Variants in TBKBP1 observed in about 807,000 individuals in gnomAD.
TBKBP1 encodes the protein TANK-binding kinase 1-binding protein 1.
A neutral mutation model predicts 69.9 loss-of-function variants in TBKBP1; 47 were observed. The ratio of observed to expected loss-of-function variants is 0.67; its 90% CI spans 0.53 to 0.86. The LOEUF (loss-of-function observed/expected upper bound fraction) is 0.86. TBKBP1 is among the 40% of genes least tolerant of loss of function. TBKBP1 has a pLI of 0.00. For missense variants in TBKBP1, 831 were observed against 858.6 expected, an observed-to-expected ratio of 0.97 and a Z score of 0.40; for synonymous variants, 418 against 390.3, an observed-to-expected ratio of 1.07 and a Z score of -0.84.
At chr17:47,697,513 C>T (rs982358808) in intron 4 of TBKBP1, among the ~76,000 whole-genome samples, 3 of 152,198 alleles carry the variant, frequency 2.0e-5, no homozygotes, top group East Asian at 3.9e-4. Context: ...TGAGCACTGC[C>T]CTGGCTCTCA....
chr17:47,695,410 G>A (rs998592288), intron 1 of TBKBP1: 1 of 152,376 alleles, frequency 6.6e-6, no homozygotes, highest in Admixed American at 6.5e-5. Flanking sequence ...CTTCCACCTG[G>A]GTCCCCTTCC....
chr17:47,696,092 G>C lies in TBKBP1; in HGVS notation c.-21G>C, dbSNP rs372802274. The C allele has an allele frequency of 1.9e-3, 2,957 of 1,589,800 alleles. 11 individuals carry two copies. Among genetic ancestry groups the C allele is most frequent in the Middle Eastern group, 6.5e-3 (38 of 5,820 alleles). ...CTGCTCTCCTAGGAGGCCCCGTGTG[G>C]GCCGCGGCCCGGCCCTCACCATGGA... On this transcript the variant is annotated 5_prime_UTR_variant, in exon 2 of 10. Coordinates refer to ENST00000578982, the MANE Select transcript of TBKBP1 (RefSeq NM_001394755.1).
At position 47,708,973 on chromosome 17, in the gene TBKBP1, CGTTCCCCGGTGCCCCCCA is replaced by C. The variant is rs2031806720; in HGVS notation, c.1242_1259del (p.Ser415_Ser420del). ...GTGCCAGTCCCCCAGCCCGCAGCGC[CGTTCCCCGGTGCCCCCCA>C]GCTGCCCGGCCCCGCAGCCCCGGCC... On this transcript the variant is annotated inframe_deletion, in exon 9 of 10. Coordinates refer to ENST00000578982, the MANE Select transcript of TBKBP1 (RefSeq NM_001394755.1). The surrounding 1 kb of genome is among the most constrained non-coding windows in gnomAD (Gnocchi z 4.4). 1 of 1,134,606 alleles carries C rather than the reference CGTTCCCCGGTGCCCCCCA, an allele frequency of 8.8e-7. No homozygotes were observed. The highest frequency in any genetic ancestry group is 5.2e-5 in the Admixed American group (1 of 19,256). 70.3% of individuals were successfully genotyped at this position (1,134,606 alleles called of 1,614,324 possible). A position where few individuals can be genotyped will look rare whatever the true frequency, so the allele number is the denominator to read the frequency against.
chr17:47,696,438 C>T (rs970347520), intron 2 of TBKBP1, 101 bp downstream of exon 2: 9 of 1,375,266 alleles, frequency 6.5e-6, no homozygotes, highest in Admixed American at 6.4e-5. Context: ...GGTCACTGTG[C>T]AGACTCTTGG....
In TBKBP1 at chr17:47,708,367, G is replaced by T. The variant is rs1416908233; in HGVS notation, c.873-27G>T. 14 of 1,612,640 alleles carry T rather than the reference G, an allele frequency of 8.7e-6. No individual in the cohort carries two copies. Among genetic ancestry groups the T allele is most frequent in the Non-Finnish European group, 1.2e-5 (14 of 1,178,808 alleles). ...GGACGGTAGACCCACTGCCCTTCTC[G>T]TCTTTCCCACTGCCCTCTGACTTCA... On this transcript the variant is annotated intron_variant, in intron 7 of 9. Transcript: ENST00000578982. The surrounding 1 kb of genome is among the most constrained non-coding windows in gnomAD (Gnocchi z 4.4).
At chr17:47,704,734 C>G (rs1341835763) in intron 7 of TBKBP1, among the ~76,000 whole-genome samples, 1 of 152,236 alleles carries the variant, frequency 6.6e-6, no homozygotes, top group East Asian at 1.9e-4. Context: ...GCTACATCAA[C>G]CCCACTCCTA....
Position 47,696,214 on chromosome 17 carries a change from C to T in TBKBP1, c.102C>T (p.Gly34=), listed in dbSNP as rs770698903. The T allele has an allele frequency of 6.2e-7, 1 of 1,613,662 alleles. No homozygotes were observed. The highest frequency in any genetic ancestry group is 1.1e-5 in the South Asian group (1 of 91,086). ...GTCCCGGAGACCCCTCGCTTGGGGGCGACATGTGCTCCGCCTCCCACTTTG... is the reference window on the plus strand; with the variant it reads ...GTCCCGGAGACCCCTCGCTTGGGGGTGACATGTGCTCCGCCTCCCACTTTG... The part of the protein sequence containing the change: ...LDSPGDPSLG[G]DMCSASHFAL... Residue 34 remains glycine (G), a synonymous_variant, in exon 2 of 10, where the codon GGC becomes GGT. Transcript: ENST00000578982.
chr17:47,699,719 G>A (rs1402756796), intron 7 of TBKBP1, 22 bp downstream of exon 7: 6 of 1,613,748 alleles, frequency 3.7e-6, no homozygotes, highest in Admixed American at 1.7e-5. Context: ...TGGTAACCCT[G>A]GTCCCTCCGT....
rs2031809463 is a variant in TBKBP1 at position 47,709,017 on chromosome 17, A to G, written c.1284A>G (p.Pro428=). 2 of 1,186,622 alleles carry G rather than the reference A, an allele frequency of 1.7e-6. No homozygotes were observed. The highest frequency in any genetic ancestry group is 2.1e-6 in the Non-Finnish European group (2 of 956,470). 73.5% of individuals were successfully genotyped at this position (1,186,622 alleles called of 1,614,324 possible). A position where few individuals can be genotyped will look rare whatever the true frequency, so the allele number is the denominator to read the frequency against. ...PPSCPAPQPR[P]PPPPPPGERT... Reference sequence around the variant, plus strand: ...GCTGCCCGGCCCCGCAGCCCCGGCCACCGCCGCCGCCCCCGCCGGGCGAGA... The same window carrying G: ...GCTGCCCGGCCCCGCAGCCCCGGCCGCCGCCGCCGCCCCCGCCGGGCGAGA... The change falls in exon 9 of 10, where the codon CCA becomes CCG. Residue 428 remains proline, a synonymous_variant. Coordinates refer to ENST00000578982, the MANE Select transcript of TBKBP1 (RefSeq NM_001394755.1).
Position 47,708,940 on chromosome 17 carries a change from C to CA in TBKBP1, c.1207_1208insA (p.Pro403HisfsTer62). 1 of 1,254,794 alleles carries CA rather than the reference C, an allele frequency of 8.0e-7. No homozygotes were observed. Among genetic ancestry groups the CA allele is most frequent in the South Asian group, 1.7e-5 (1 of 57,418 alleles). The allele number at this position is 1,254,794 out of a possible 1,614,324, so 77.7% of individuals were successfully genotyped here. ...CGTCCCGCAGCGCCGCTCGCCGGTG[C>CA]CGCCGTCGTGCCAGTCCCCCAGCCC... On this transcript the variant is annotated frameshift_variant, in exon 9 of 10. Transcript: ENST00000578982. LOFTEE classifies it high-confidence loss of function. The surrounding 1 kb of genome is among the most constrained non-coding windows in gnomAD (Gnocchi z 4.4).
At chr17:47,702,997 C>T (rs1409340059) in intron 7 of TBKBP1, among the ~76,000 whole-genome samples, 2 of 110,464 alleles carry the variant, frequency 1.8e-5, no homozygotes, top group South Asian at 2.5e-4. Flanking sequence ...GGGGGGGGAA[C>T]TTCTTGAAGG....
chr17:47,710,836 C>A lies in TBKBP1; in HGVS notation c.*210C>A, dbSNP rs1020401019. 3.3e-6 allele frequency: 2 copies of A among 612,648 alleles called. No individual in the cohort carries two copies. Among genetic ancestry groups the A allele is most frequent in the Non-Finnish European group, 5.2e-6 (2 of 383,230 alleles). 38.0% of individuals were successfully genotyped at this position (612,648 alleles called of 1,614,324 possible). A position where few individuals can be genotyped will look rare whatever the true frequency, so the allele number is the denominator to read the frequency against. On this transcript the variant is annotated 3_prime_UTR_variant, in exon 10 of 10. Transcript: ENST00000578982. ...CCTGGGAGGTCAGCCGAGGCTCCCCCCATGCTCCTGGTTTCTGCTTAGGAG... is the reference window on the plus strand; with the variant it reads ...CCTGGGAGGTCAGCCGAGGCTCCCCACATGCTCCTGGTTTCTGCTTAGGAG...
chr17:47,703,443 A>G (rs1226226830), intron 7 of TBKBP1, among the ~76,000 whole-genome samples: 1 of 151,986 alleles, frequency 6.6e-6, no homozygotes, highest in Non-Finnish European at 1.5e-5. Flanking sequence ...CCTTTCTTTC[A>G]AGTCTCCTTC....
At chr17:47,710,449 C>A in intron 9 of TBKBP1, 49 bp from the exon 10 acceptor site, 1 of 1,580,218 alleles carries the variant, frequency 6.3e-7, no homozygotes, top group Non-Finnish European at 8.7e-7. Context: ...GATGTGGGGA[C>A]CATGGGTGGG....
chr17:47,698,465 C>A, intron 4 of TBKBP1, 130 bp from the exon 5 acceptor site: 2 of 1,031,916 alleles, frequency 1.9e-6, no homozygotes, highest in Non-Finnish European at 2.7e-6. Context: ...AGACTTTGCA[C>A]TCACAGCCAC....
chr17:47,696,502 C>T (rs781103698), intron 2 of TBKBP1, among the ~76,000 whole-genome samples, 165 bp downstream of exon 2: 9 of 152,152 alleles, frequency 5.9e-5, no homozygotes, highest in Non-Finnish European at 1.2e-4. Context: ...GAACTGTCTC[C>T]TGTTGGCTTC....
Position 47,703,111 on chromosome 17 carries a change from T to A in TBKBP1, c.872+3414T>A, listed in dbSNP as rs1209334202. Reference sequence around the variant, plus strand: ...GGTCCATCTGGGAGAAGATGGGGACTCAGTATGGGCGATGAGGAAAAAACT... The same window carrying A: ...GGTCCATCTGGGAGAAGATGGGGACACAGTATGGGCGATGAGGAAAAAACT... On this transcript the variant is annotated intron_variant, in intron 7 of 9. Transcript: ENST00000578982. 4.6e-5 allele frequency among the ~76,000 whole-genome samples: 7 copies of A among 152,142 alleles called. No homozygotes were observed. The East Asian group carries it at 1.4e-3, about 29-fold the overall frequency.
chr17:47,698,699 G>A lies in TBKBP1; in HGVS notation c.558G>A (p.Pro186=), dbSNP rs753133219. The stretch of plus-strand genomic sequence containing the variant: ...CAGCCTTCTCCAACCTGAGCCCACC[G>A]CCAGCCCCCGCCCCTCCCTGCACTG... The part of the protein sequence containing the change: ...QDAAFSNLSP[P]PAPAPPCTDL... Residue 186 remains proline, a synonymous_variant, in exon 5 of 10, where the codon CCG becomes CCA. Transcript: ENST00000578982. The A allele has an allele frequency of 9.3e-6, 15 of 1,605,888 alleles. No homozygotes were observed. The highest frequency in any genetic ancestry group is 1.7e-5 in the Admixed American group (1 of 58,966).
rs1038019596 is a variant in TBKBP1 at position 47,695,750 on chromosome 17, C to G, written c.-34-329C>G. 1.4e-5 allele frequency: 3 copies of G among 210,670 alleles called. No homozygotes were observed. The Admixed American group carries it at 1.6e-4, about 11-fold the overall frequency. 13.1% of individuals were successfully genotyped at this position (210,670 alleles called of 1,614,324 possible). On this transcript the variant is annotated intron_variant, in intron 1 of 9. Transcript: ENST00000578982. ...GAAGCGCGGAGGAATGGGCCGGGCC[C>G]GGCTGGGAAGGCAGCCCTCTCCCAT...
Sources: gnomAD v4.1 joint callset for allele counts (sites outside exome capture counted in the v4.1 genomes callset) on GRCh38, gnomAD v4.1.1 for gene constraint, Gnocchi (gnomAD v3.1) non-coding constraint, MANE v1.5 for transcripts, NCBI Gene and HGNC (gene_info 2026-07-23, HGNC 2026-07-21) for gene names.